UNC79: variants seen among roughly 807,000 people sequenced by gnomAD.
UNC79 encodes the protein unc-79 subunit of NALCN channel complex, also known as protein unc-79 homolog.
Under a neutral mutation model 283.1 loss-of-function variants are expected in UNC79, and 37 were observed. That is an observed-to-expected ratio of 0.13 (90% CI 0.10 to 0.17). The LOEUF (loss-of-function observed/expected upper bound fraction) is 0.17. UNC79 is among the 10% of genes least tolerant of loss of function. UNC79 has a pLI of 1.00. For missense variants in UNC79, 2,272 were observed against 3,211.1 expected (o/e 0.71, Z 7.07); for synonymous variants, 1,107 against 1,200.2 (o/e 0.92, Z 1.61).
chr14:93,477,331 A>G (rs2057859736), intron 3 of UNC79, among the ~76,000 whole-genome samples: 1 of 152,242 alleles, frequency 6.6e-6, no homozygotes, highest in African/African-American at 2.4e-5. Flanking sequence ...GGAAAAATGC[A>G]TGTAATGGAT....
intron 22 of UNC79, among the ~76,000 whole-genome samples, chr14:93,588,466 T>G (rs2064372204): frequency 6.6e-6 from 1 of 151,982 alleles, no homozygotes; most frequent in African/African-American, 2.4e-5. Context: ...AACGGCCAGG[T>G]GCGATGGCTC....
chr14:93,477,225 A>G (rs1051940985), intron 3 of UNC79, among the ~76,000 whole-genome samples: 12 of 152,218 alleles, frequency 7.9e-5, no homozygotes, highest in African/African-American at 2.7e-4. Context: ...TAAAACTTCC[A>G]TTGGGCAAAT....
At chr14:93,653,600 A>G (rs1464059072) in intron 35 of UNC79, 142 bp from the exon 39 acceptor site, 9 of 770,796 alleles carry the variant, frequency 1.2e-5, no homozygotes, top group Middle Eastern at 4.0e-4. Flanking sequence ...GTTTGAGTAG[A>G]ATATTTCATT....
At chr14:93,343,125 A>G (rs2053747081) in intron 1 of UNC79, among the ~76,000 whole-genome samples, 1 of 152,182 alleles carries the variant, frequency 6.6e-6, no homozygotes, top group South Asian at 2.1e-4. Flanking sequence ...TGACTTCCAC[A>G]TTTTTAGTTA....
At chr14:93,665,187 AAAAT>A (rs2072046001) in intron 40 of UNC79, among the ~76,000 whole-genome samples, 2 of 149,758 alleles carry the variant, frequency 1.3e-5, no homozygotes, top group Middle Eastern at 3.2e-3. Context: ...AAGCATATGA[AAAAT>A]AAATAAAATA....
At chr14:93,347,908 G>T in intron 1 of UNC79, 2 of 589,324 alleles carry the variant, frequency 3.4e-6, no homozygotes, top group East Asian at 2.8e-5. Flanking sequence ...TTCACTAGGC[G>T]CCTGTTTCTA....
At position 93,641,076 on chromosome 14, in the gene UNC79, G is replaced by A. The variant is rs1490937297; in HGVS notation, c.5801-69G>A. ...GATCTTTGGAGGGTTTCTAAGAGGA[G>A]AACCAGGCCTTTCTTGGCCCCTTGA... On this transcript the variant is annotated intron_variant, in intron 32 of 48. Coordinates refer to ENST00000555664, the Ensembl canonical transcript of UNC79. The A allele has an allele frequency of 8.2e-5, 112 of 1,358,342 alleles. 4 individuals carry two copies. In the South Asian group the frequency reaches 1.4e-3, roughly 17 times the overall value. The allele number at this position is 1,358,342 out of a possible 1,614,324, so 84.1% of individuals were successfully genotyped here. A position where few individuals can be genotyped will look rare whatever the true frequency, so the allele number is the denominator to read the frequency against.
At chr14:93,529,149 G>T in intron 9 of UNC79, 137 bp from the exon 10 acceptor site, 1 of 776,334 alleles carries the variant, frequency 1.3e-6, no homozygotes. Flanking sequence ...CATTTTAAGA[G>T]TTTATTATGA....
chr14:93,510,410 A>C (rs923982706), intron 7 of UNC79, among the ~76,000 whole-genome samples: 1 of 152,246 alleles, frequency 6.6e-6, no homozygotes, highest in Non-Finnish European at 1.5e-5. Flanking sequence ...CAAATTTTCC[A>C]AATTTTTATG....
chr14:93,344,724 G>A (rs2053787605), intron 1 of UNC79, among the ~76,000 whole-genome samples: 1 of 152,168 alleles, frequency 6.6e-6, no homozygotes, highest in Non-Finnish European at 1.5e-5. Context: ...TAAATCACAG[G>A]TGCTCAAATT....
intron 27 of UNC79, among the ~76,000 whole-genome samples, chr14:93,614,624 TTGTG>T (rs2066559939): frequency 6.7e-6 from 1 of 150,272 alleles, no homozygotes; most frequent in Non-Finnish European, 1.5e-5. Flanking sequence ...CGGCCACTGT[TTGTG>T]TGTGTTTAAA....
intron 1 of UNC79, among the ~76,000 whole-genome samples, chr14:93,448,858 C>T (rs916139864): frequency 5.9e-5 from 9 of 152,174 alleles, no homozygotes; most frequent in African/African-American, 2.2e-4. Context: ...TTGTGGGATT[C>T]CCTCACTTGC....
At chr14:93,381,416 G>A (rs2054663227) in intron 1 of UNC79, among the ~76,000 whole-genome samples, 1 of 152,198 alleles carries the variant, frequency 6.6e-6, no homozygotes, top group Admixed American at 6.5e-5. Context: ...CCTAGGGTTT[G>A]GGGTTCATGC....
At chr14:93,654,468 G>GT (rs1178865381) in intron 37 of UNC79, among the ~76,000 whole-genome samples, 1 of 148,560 alleles carries the variant, frequency 6.7e-6, no homozygotes, top group Non-Finnish European at 1.5e-5. Context: ...TACACTCCAA[G>GT]TTGTAATGGC....
intron 17 of UNC79, among the ~76,000 whole-genome samples, chr14:93,577,364 A>C (rs916152131): frequency 9.2e-5 from 14 of 152,250 alleles, no homozygotes; most frequent in Non-Finnish European, 5.9e-5. Flanking sequence ...CAAATGGAGA[A>C]TAACCAGTAC....
chr14:93,585,068 T>G (rs1156881021), intron 20 of UNC79, among the ~76,000 whole-genome samples: 2 of 152,218 alleles, frequency 1.3e-5, no homozygotes, highest in African/African-American at 4.8e-5. Flanking sequence ...AAACACATGC[T>G]TTGTTCTCCC....
chr14:93,629,870 G>A (rs2067881944), intron 30 of UNC79, among the ~76,000 whole-genome samples: 2 of 152,278 alleles, frequency 1.3e-5, no homozygotes, highest in East Asian at 3.9e-4. Context: ...GCCCATGGTG[G>A]TAACTCCAAG....
At position 93,643,796 on chromosome 14, in the gene UNC79, C is replaced by A. The variant is rs1421569894; in HGVS notation, c.6044+99C>A. On this transcript the variant is annotated intron_variant, in intron 34 of 48. Transcript: ENST00000555664. ...GTTCAAAAGTGAAACATTCAGCCAC[C>A]TTGTAGATACTGGTATTTGTGACAT... The A allele has an allele frequency of 1.5e-5, 22 of 1,490,946 alleles. No individual in the cohort carries two copies. In the East Asian group the frequency reaches 3.2e-4, roughly 21 times the overall value. The allele number at this position is 1,490,946 out of a possible 1,614,324, so 92.4% of individuals were successfully genotyped here.
intron 39 of UNC79, 95 bp downstream of exon 42, chr14:93,659,356 G>A (rs2140415781): frequency 1.0e-6 from 1 of 989,638 alleles, no homozygotes; most frequent in South Asian, 1.7e-5. Flanking sequence ...CATAGTTATG[G>A]CATACTGAAT....
Sources: gnomAD v4.1 joint callset for allele counts (sites outside exome capture counted in the v4.1 genomes callset) on GRCh38, gnomAD v4.1.1 for gene constraint, MANE v1.5 for transcripts, NCBI Gene and HGNC (gene_info 2026-07-23, HGNC 2026-07-21) for gene names.